Variants in COL14A1 observed in about 807,000 individuals in gnomAD.
The protein encoded by COL14A1 is collagen type XIV alpha 1 chain, also known as collagen alpha-1(XIV) chain.
Under a neutral mutation model 230.3 loss-of-function variants are expected in COL14A1, and 136 were observed. The observed-to-expected ratio is 0.59, with a 90% CI of 0.51 to 0.68. The LOEUF (loss-of-function observed/expected upper bound fraction) is 0.68. Among genes scored for constraint, COL14A1 ranks in the 30% least tolerant of loss-of-function variants. The pLI is 0.00. For missense variants in COL14A1, 1,976 were observed against 2,215.8 expected, an observed-to-expected ratio of 0.89 and a Z score of 2.17; for synonymous variants, 792 against 784.1, an observed-to-expected ratio of 1.01 and a Z score of -0.17.
chr8:120,280,372 A>G (rs1295590385), intron 29 of COL14A1, among the ~76,000 whole-genome samples: 3 of 151,836 alleles, frequency 2.0e-5, no homozygotes, highest in African/African-American at 7.3e-5. Context: ...ATAATTTTCA[A>G]TGTATTAAGA....
At chr8:120,281,660 C>G (rs1820045127) in intron 31 of COL14A1, among the ~76,000 whole-genome samples, 1 of 151,928 alleles carries the variant, frequency 6.6e-6, no homozygotes, top group Admixed American at 6.6e-5. Context: ...CCTCCAGACA[C>G]CTCTATGAAA....
chr8:120,221,562 A>G (rs1009687574), intron 14 of COL14A1, among the ~76,000 whole-genome samples: 3 of 148,506 alleles, frequency 2.0e-5, no homozygotes, highest in African/African-American at 2.5e-5. Flanking sequence ...ACACACATGC[A>G]CACACACACA....
intron 5 of COL14A1, among the ~76,000 whole-genome samples, chr8:120,179,661 AATTAGAAAAAACTACTTCACCAT>A (rs1201121641): frequency 6.6e-6 from 1 of 152,102 alleles, no homozygotes; most frequent in East Asian, 1.9e-4. Context: ...CTACCATTAG[AATTAGAAAAAACTACTTCACCAT>A]ATTAGAAAAA....
Position 120,196,951 on chromosome 8 carries a change from A to C in COL14A1, c.592+5A>C, listed in dbSNP as rs1452132860. The C allele has an allele frequency of 6.2e-7, 1 of 1,613,186 alleles. No individual in the cohort carries two copies. Among genetic ancestry groups the C allele is most frequent in the Admixed American group, 1.7e-5 (1 of 59,896 alleles). ...GCTCAGAGAAGACACGAATTGGTATAATTTCTATTATTAGCAGTAGCAGTC... is the reference window on the plus strand; with the variant it reads ...GCTCAGAGAAGACACGAATTGGTATCATTTCTATTATTAGCAGTAGCAGTC... On this transcript the variant is annotated splice_donor_5th_base_variant and intron_variant, in intron 6 of 47. Coordinates refer to ENST00000297848, the MANE Select transcript of COL14A1 (RefSeq NM_021110.4).
chr8:120,176,892 G>A (rs982477354), intron 5 of COL14A1, among the ~76,000 whole-genome samples: 1 of 151,662 alleles, frequency 6.6e-6, no homozygotes, highest in Admixed American at 6.6e-5. Flanking sequence ...TATTCTCATT[G>A]TTATTATAAT....
At chr8:120,355,663 A>C (rs919195189) in intron 45 of COL14A1, among the ~76,000 whole-genome samples, 2 of 151,368 alleles carry the variant, frequency 1.3e-5, no homozygotes, top group Non-Finnish European at 2.9e-5. Context: ...CAACCCCCCC[A>C]CCCCGCCTCG....
intron 32 of COL14A1, 87 bp downstream of exon 32, chr8:120,283,865 A>G (rs1188303660): frequency 9.5e-7 from 1 of 1,053,616 alleles, no homozygotes; most frequent in Non-Finnish European, 1.4e-6. Flanking sequence ...TGTATATTAC[A>G]GAGTAACTCA....
At chr8:120,367,334 A>C (rs1823439092) in intron 46 of COL14A1, 86 bp downstream of exon 46, 2 of 1,057,538 alleles carry the variant, frequency 1.9e-6, no homozygotes, top group Admixed American at 4.5e-5. Context: ...GTCATCTTAC[A>C]TCCTAGTATG....
intron 14 of COL14A1, among the ~76,000 whole-genome samples, chr8:120,217,063 G>C (rs4870725): frequency 6.6e-6 from 1 of 152,112 alleles, no homozygotes; most frequent in Admixed American, 6.6e-5. Context: ...GATAGGAGGA[G>C]CATATAGAGA....
At chr8:120,272,035 A>G (rs1260689046) in intron 26 of COL14A1, among the ~76,000 whole-genome samples, 1 of 151,570 alleles carries the variant, frequency 6.6e-6, no homozygotes, top group African/African-American at 2.4e-5. Flanking sequence ...TTTGGAATAT[A>G]TTGTGAAAGA....
intron 38 of COL14A1, among the ~76,000 whole-genome samples, chr8:120,314,458 G>T (rs79386207): frequency 0.047 from 7,087 of 152,174 alleles, 399 homozygotes; most frequent in East Asian, 0.25. Flanking sequence ...GCATCAAAGT[G>T]CAGTTTATGG....
At chr8:120,158,368 C>T (rs868436223) in intron 3 of COL14A1, 122 bp downstream of exon 3, 1 of 687,174 alleles carries the variant, frequency 1.5e-6, no homozygotes. Context: ...GTTTAATCTT[C>T]AGTGTTTAAA....
At chr8:120,289,507 C>T in intron 33 of COL14A1, 101 bp from the exon 34 acceptor site, 1 of 1,037,762 alleles carries the variant, frequency 9.6e-7, no homozygotes, top group South Asian at 1.8e-5. Context: ...AATTCTTTCT[C>T]TTCTCTTTCA....
At chr8:120,184,130 G>A (rs937982618) in intron 5 of COL14A1, among the ~76,000 whole-genome samples, 5 of 152,014 alleles carry the variant, frequency 3.3e-5, no homozygotes, top group African/African-American at 9.7e-5. Flanking sequence ...CTAAGTGGTA[G>A]GCTTTTCATA....
chr8:120,156,380 G>T (rs887478604), intron 2 of COL14A1, among the ~76,000 whole-genome samples: 1 of 152,092 alleles, frequency 6.6e-6, no homozygotes, highest in African/African-American at 2.4e-5. Context: ...TGTTGGTCAG[G>T]CTGGTCTCAA....
chr8:120,150,702 G>A (rs1024027704), intron 2 of COL14A1, among the ~76,000 whole-genome samples: 1 of 152,092 alleles, frequency 6.6e-6, no homozygotes, highest in Non-Finnish European at 1.5e-5. Context: ...ACAAGTAGAA[G>A]ACAATGAGTT....
intron 5 of COL14A1, among the ~76,000 whole-genome samples, chr8:120,173,642 A>G (rs1486020535): frequency 2.3e-5 from 3 of 130,868 alleles, no homozygotes; most frequent in Admixed American, 8.2e-5. Flanking sequence ...TCTTTGTATT[A>G]TCTGTCTCTA....
At position 120,280,954 on chromosome 8, in the gene COL14A1, A is replaced by G. The variant is rs565909483; in HGVS notation, c.3719A>G (p.Glu1240Gly). ...ATGATGGAAATGTTTGGTTTGGTTG[A>G]AAAAGATTTTTCATCAGTGGAAGGG... ...FKMMEMFGLV[E>G]KDFSSVEGVS... is the part of the protein sequence containing the mutation. The change falls in exon 31 of 48, where the codon GAA becomes GGA. Residue 1240 changes from glutamate (E) to glycine (G), a missense_variant. By Grantham distance (98) the Glu-to-Gly change is moderately conservative. Coordinates refer to ENST00000297848, the MANE Select transcript of COL14A1 (RefSeq NM_021110.4). 1 of 1,609,450 alleles carries G rather than the reference A, an allele frequency of 6.2e-7. No homozygotes were observed. Among genetic ancestry groups the G allele is most frequent in the South Asian group, 1.1e-5 (1 of 90,280 alleles).
At chr8:120,204,635 C>A (rs955382922) in intron 9 of COL14A1, among the ~76,000 whole-genome samples, 2 of 152,182 alleles carry the variant, frequency 1.3e-5, no homozygotes, top group Non-Finnish European at 2.9e-5. Flanking sequence ...TGTGAATGTT[C>A]ATGTGGAGGT....
Sources: gnomAD v4.1 joint callset for allele counts (sites outside exome capture counted in the v4.1 genomes callset) on GRCh38, gnomAD v4.1.1 for gene constraint, MANE v1.5 for transcripts, NCBI Gene and HGNC (gene_info 2026-07-23, HGNC 2026-07-21) for gene names.